Variants in WIPF1 observed in about 807,000 individuals in gnomAD.
The protein encoded by WIPF1 is WAS/WASL interacting protein family member 1, also known as WAS/WASL-interacting protein family member 1.
WIPF1 carries 13 observed loss-of-function variants against 35.4 expected under a neutral mutation model. That is an observed-to-expected ratio of 0.37 (90% confidence interval 0.24 to 0.58). WIPF1 has a LOEUF of 0.58. WIPF1 is among the 20% of genes least tolerant of loss of function. The pLI, the probability that WIPF1 is intolerant of heterozygous loss-of-function variation, is 0.74. For missense variants in WIPF1, 591 were observed against 667.0 expected (o/e 0.89, Z 1.25); for synonymous variants, 267 against 266.3 (o/e 1.00, Z -0.02).
chr2:174,658,942 C>T (rs987616994), intron 1 of WIPF1, among the ~76,000 whole-genome samples: 5 of 152,012 alleles, frequency 3.3e-5, no homozygotes, highest in Admixed American at 2.6e-4. Context: ...CAGATGTCCT[C>T]GGACAAGTCA....
chr2:174,594,499 T>C lies in WIPF1; in HGVS notation c.-39+3102A>G, dbSNP rs549490611. Among the ~76,000 whole-genome samples the C allele has an allele frequency of 2.0e-5, 3 of 152,306 alleles. No homozygotes were observed. In the East Asian group the frequency reaches 5.8e-4, roughly 29 times the overall value. On this transcript the variant is annotated intron_variant, in intron 1 of 7. Transcript: ENST00000679041. ...AGCTGAATGACACGCCTACCTGTCA[T>C]TATTTAACTGAAGGAAAGGGAAAGG...
Position 174,622,551 on chromosome 2 carries a change from G to A in WIPF1, c.-38-36940C>T, listed in dbSNP as rs943182241. On this transcript the variant is annotated intron_variant, in intron 1 of 8. Coordinates refer to the WIPF1 transcript ENST00000272746. This position sits in a 1 kb window ranked among gnomAD's most constrained non-coding sequence, Gnocchi z 5.1. ...GAAGGGAAAGGAACGTAACACTATAGGATCCCCTCTCTATGCCGCCAGTGC... is the reference window on the plus strand; with the variant it reads ...GAAGGGAAAGGAACGTAACACTATAAGATCCCCTCTCTATGCCGCCAGTGC... Among the ~76,000 whole-genome samples the A allele has an allele frequency of 1.4e-4, 21 of 152,120 alleles. No homozygotes were observed. The highest frequency in any genetic ancestry group is 4.6e-4 in the African/African-American group (19 of 41,420).
At chr2:174,638,113 G>A (rs1211762006) in intron 1 of WIPF1, among the ~76,000 whole-genome samples, 1 of 152,002 alleles carries the variant, frequency 6.6e-6, no homozygotes, top group Non-Finnish European at 1.5e-5. Context: ...GTGGTTTGAT[G>A]TGTAGCATGT....
At chr2:174,640,889 C>T (rs1687282482) in intron 1 of WIPF1, among the ~76,000 whole-genome samples, 1 of 152,118 alleles carries the variant, frequency 6.6e-6, no homozygotes, top group African/African-American at 2.4e-5. Flanking sequence ...ACATTCTTCA[C>T]AGAAACAGAA....
intron 3 of WIPF1, among the ~76,000 whole-genome samples, chr2:174,577,301 CCTCTT>C (rs1476605462): frequency 1.3e-5 from 2 of 152,150 alleles, no homozygotes; most frequent in African/African-American, 2.4e-5. Context: ...TTTAAAGCCT[CCTCTT>C]CTCTAAGAGT....
At chr2:174,635,766 T>C (rs1003586642) in intron 1 of WIPF1, among the ~76,000 whole-genome samples, 3 of 152,204 alleles carry the variant, frequency 2.0e-5, no homozygotes, top group African/African-American at 7.2e-5. Context: ...TTTTTTTGTT[T>C]GTTTTTTAGA....
intron 3 of WIPF1, among the ~76,000 whole-genome samples, chr2:174,580,510 T>C (rs533171285): frequency 6.6e-6 from 1 of 152,192 alleles, no homozygotes; most frequent in Non-Finnish European, 1.5e-5. Flanking sequence ...TCTGGTGATT[T>C]TGGAAGGTCA....
intron 1 of WIPF1, among the ~76,000 whole-genome samples, chr2:174,591,012 T>C (rs1164867469): frequency 6.6e-6 from 1 of 152,124 alleles, no homozygotes; most frequent in Admixed American, 6.5e-5. Flanking sequence ...TATTTGGAGA[T>C]AGGGTCTTTA....
chr2:174,600,961 G>C (rs1685986845), upstream of WIPF1, among the ~76,000 whole-genome samples: 1 of 110,074 alleles, frequency 9.1e-6, no homozygotes, highest in Non-Finnish European at 1.7e-5. Context: ...GTCGTACTCT[G>C]TCACCCAGGC....
chr2:174,612,723 A>G (rs1686389685), intron 1 of WIPF1, among the ~76,000 whole-genome samples: 1 of 151,938 alleles, frequency 6.6e-6, no homozygotes, highest in Non-Finnish European at 1.5e-5. Flanking sequence ...AGGTTTATTT[A>G]TTGTCTTCTC....
chr2:174,602,031 C>T (rs1686026333), upstream of WIPF1, among the ~76,000 whole-genome samples: 1 of 152,118 alleles, frequency 6.6e-6, no homozygotes, highest in Non-Finnish European at 1.5e-5. Flanking sequence ...TAACCAAAGG[C>T]CTGAGATAAG....
intron 1 of WIPF1, among the ~76,000 whole-genome samples, 177 bp from the exon 2 acceptor site, chr2:174,585,788 G>C (rs1685398595): frequency 6.6e-6 from 1 of 152,096 alleles, no homozygotes; most frequent in Non-Finnish European, 1.5e-5. Flanking sequence ...CCGGCAGAGG[G>C]GCTTCTGACC....
chr2:174,567,552 C>A (rs1235635058), intron 6 of WIPF1, among the ~76,000 whole-genome samples: 1 of 152,110 alleles, frequency 6.6e-6, no homozygotes, highest in African/African-American at 2.4e-5. Context: ...TAGAAATGTA[C>A]ATAATAAGAA....
At chr2:174,680,934 T>C (rs1349700927) in intron 1 of WIPF1, among the ~76,000 whole-genome samples, 1 of 152,148 alleles carries the variant, frequency 6.6e-6, no homozygotes, top group African/African-American at 2.4e-5. Flanking sequence ...ATGAGATAAG[T>C]GAGGCTCAAA....
At chr2:174,645,671 G>A (rs369625250) in intron 1 of WIPF1, among the ~76,000 whole-genome samples, 1 of 152,192 alleles carries the variant, frequency 6.6e-6, no homozygotes, top group African/African-American at 2.4e-5. Context: ...CTGGTACCTT[G>A]TTGATACCAT....
chr2:174,613,343 A>C (rs778879351), intron 1 of WIPF1, among the ~76,000 whole-genome samples: 3 of 152,240 alleles, frequency 2.0e-5, no homozygotes, highest in Non-Finnish European at 4.4e-5. Flanking sequence ...AATCTAGTTT[A>C]GAATTTTTTT....
chr2:174,637,143 T>C (rs1293705396), intron 1 of WIPF1, among the ~76,000 whole-genome samples: 8 of 152,250 alleles, frequency 5.3e-5, no homozygotes, highest in Non-Finnish European at 8.8e-5. Flanking sequence ...AATTCAACAG[T>C]ACTTTATTCT....
intron 2 of WIPF1, among the ~76,000 whole-genome samples, chr2:174,584,928 A>G (rs1685356527): frequency 6.6e-6 from 1 of 151,898 alleles, no homozygotes; most frequent in Admixed American, 6.6e-5. Flanking sequence ...GACCAGGATG[A>G]ATCCACTGAA....
intron 3 of WIPF1, among the ~76,000 whole-genome samples, chr2:174,576,245 A>AC (rs1042204944): frequency 1.2e-4 from 18 of 151,166 alleles, no homozygotes; most frequent in African/African-American, 3.9e-4. Context: ...AAAAAAAAAA[A>AC]AAAACACTAA....
Sources: allele counts gnomAD v4.1 joint callset (sites outside exome capture counted in the v4.1 genomes callset), GRCh38; gene constraint gnomAD v4.1.1; non-coding constraint Gnocchi (gnomAD v3.1); transcripts MANE v1.5; gene names NCBI Gene and HGNC (gene_info 2026-07-23, HGNC 2026-07-21).